The following KCNIP4 variants were observed in gnomAD, a reference collection of about 807,000 sequenced individuals.
KCNIP4 encodes Kv channel-interacting protein 4.
A neutral mutation model predicts 34.0 loss-of-function variants in KCNIP4; 12 were observed. The ratio of observed to expected loss-of-function variants is 0.35; its 90% CI spans 0.23 to 0.57. The LOEUF (loss-of-function observed/expected upper bound fraction) is 0.57. KCNIP4 is among the 20% of genes least tolerant of loss of function. The pLI is 0.83. For missense variants in KCNIP4, 238 were observed against 311.7 expected, an observed-to-expected ratio of 0.76 and a Z score of 1.78; for synonymous variants, 124 against 102.2, an observed-to-expected ratio of 1.21 and a Z score of -1.29.
In KCNIP4 at chr4:21,705,663, G is replaced by C. The variant is rs114217531; in HGVS notation, c.61+242908C>G. 7.0e-3 allele frequency among the ~76,000 whole-genome samples: 1,063 copies of C among 152,158 alleles called. 16 individuals carry two copies. The highest frequency in any genetic ancestry group is 0.024 in the African/African-American group (993 of 41,526). On this transcript the variant is annotated intron_variant, in intron 1 of 8. Coordinates refer to ENST00000382152, the MANE Select transcript of KCNIP4 (RefSeq NM_025221.6). ...GGGATGGCAGGGCATGTAAAGCAAGGTGATAACAAAAGTCCTCAAGAGAAA... is the reference window on the plus strand; with the variant it reads ...GGGATGGCAGGGCATGTAAAGCAAGCTGATAACAAAAGTCCTCAAGAGAAA...
chr4:20,906,484 T>C (rs1727786240), intron 1 of KCNIP4, among the ~76,000 whole-genome samples: 1 of 152,194 alleles, frequency 6.6e-6, no homozygotes, highest in Non-Finnish European at 1.5e-5. Context: ...GTTTCTGCCA[T>C]GTCTGCCTTG....
chr4:21,180,601 A>G (rs1193815392), intron 1 of KCNIP4, among the ~76,000 whole-genome samples: 1 of 151,692 alleles, frequency 6.6e-6, no homozygotes, highest in African/African-American at 2.4e-5. Flanking sequence ...TGGGTTAAAC[A>G]AAGGAAGAAG....
At chr4:21,097,913 T>C (rs992858115) in intron 1 of KCNIP4, among the ~76,000 whole-genome samples, 2 of 152,162 alleles carry the variant, frequency 1.3e-5, no homozygotes, top group African/African-American at 4.8e-5. Flanking sequence ...CTAGGACTCT[T>C]GGGCCAAACA....
At chr4:20,867,216 A>C (rs1722964034) in intron 2 of KCNIP4, among the ~76,000 whole-genome samples, 1 of 152,134 alleles carries the variant, frequency 6.6e-6, no homozygotes, top group Admixed American at 6.6e-5. Flanking sequence ...TCCTATAAGC[A>C]AAAGAAAAAA....
At chr4:20,897,182 C>G (rs1179520084) in intron 1 of KCNIP4, among the ~76,000 whole-genome samples, 2 of 152,100 alleles carry the variant, frequency 1.3e-5, no homozygotes, top group Admixed American at 1.3e-4. Context: ...CTTTCCATAT[C>G]ACTAACAGCC....
intron 1 of KCNIP4, among the ~76,000 whole-genome samples, chr4:21,109,067 G>A (rs1476728947): frequency 1.3e-5 from 2 of 152,180 alleles, no homozygotes; most frequent in Non-Finnish European, 2.9e-5. Context: ...CCCACTTGAG[G>A]AGGCAGTCTG....
chr4:20,911,639 G>C (rs1228176506), intron 1 of KCNIP4, among the ~76,000 whole-genome samples: 1 of 152,146 alleles, frequency 6.6e-6, no homozygotes, highest in Non-Finnish European at 1.5e-5. Flanking sequence ...TGATGACCTA[G>C]GTTGGCAGGG....
Position 21,733,732 on chromosome 4 carries a change from G to A in KCNIP4, c.61+214839C>T, listed in dbSNP as rs190444804. Among the ~76,000 whole-genome samples the A allele has an allele frequency of 3.9e-5, 6 of 152,236 alleles. No individual in the cohort carries two copies. In the East Asian group the frequency reaches 1.2e-3, roughly 29 times the overall value. On this transcript the variant is annotated intron_variant, in intron 1 of 8. Coordinates refer to ENST00000382152, the MANE Select transcript of KCNIP4 (RefSeq NM_025221.6). The stretch of plus-strand genomic sequence containing the variant: ...GCAGGAAGAGTGGAGATTCTTGTGG[G>A]GAGTGGGGAGGATAACTTCCCCAAG...
At chr4:20,973,023 G>T (rs888678465) in intron 1 of KCNIP4, among the ~76,000 whole-genome samples, 6 of 152,078 alleles carry the variant, frequency 3.9e-5, no homozygotes, top group African/African-American at 1.2e-4. Context: ...GTCTAGGTTG[G>T]AATGGTAAAT....
chr4:20,741,897 G>C (rs1321958522), intron 5 of KCNIP4, among the ~76,000 whole-genome samples: 2 of 152,172 alleles, frequency 1.3e-5, no homozygotes, highest in Non-Finnish European at 1.5e-5. Context: ...TATCACCACT[G>C]ATCCCACAGA....
intron 1 of KCNIP4, among the ~76,000 whole-genome samples, chr4:21,479,625 T>C (rs1731261158): frequency 6.6e-6 from 1 of 152,062 alleles, no homozygotes; most frequent in African/African-American, 2.4e-5. Context: ...ATCATTGTCA[T>C]ACAAAACAAA....
intron 1 of KCNIP4, among the ~76,000 whole-genome samples, chr4:20,961,843 A>G (rs1162116893): frequency 6.6e-6 from 1 of 152,228 alleles, no homozygotes; most frequent in Non-Finnish European, 1.5e-5. Flanking sequence ...CAACTTGGGA[A>G]TATCTGCACA....
At chr4:21,113,000 C>A (rs538537165) in intron 1 of KCNIP4, among the ~76,000 whole-genome samples, 118 of 152,256 alleles carry the variant, frequency 7.8e-4, no homozygotes, top group Non-Finnish European at 1.5e-3. Flanking sequence ...AGTAGAAAGT[C>A]TTCTACACCT....
intron 1 of KCNIP4, among the ~76,000 whole-genome samples, chr4:21,192,946 C>A (rs371411579): frequency 0.44 from 63,380 of 144,548 alleles, 16,453 homozygotes; most frequent in African/African-American, 0.73. Flanking sequence ...ACTACTACTA[C>A]TACTACTAAT....
chr4:20,802,290 A>C (rs1269715168), intron 3 of KCNIP4, among the ~76,000 whole-genome samples: 3 of 46,706 alleles, frequency 6.4e-5, no homozygotes, highest in Non-Finnish European at 1.4e-4. Flanking sequence ...TATATATGCA[A>C]TATATATATG....
intron 1 of KCNIP4, among the ~76,000 whole-genome samples, chr4:21,307,142 A>T (rs930147024): frequency 6.6e-6 from 1 of 152,160 alleles, no homozygotes; most frequent in Non-Finnish European, 1.5e-5. Flanking sequence ...GCCGGCAGGA[A>T]CTATTGAAGA....
chr4:20,926,681 TTTAA>T (rs1729925529), intron 1 of KCNIP4, among the ~76,000 whole-genome samples: 1 of 152,218 alleles, frequency 6.6e-6, no homozygotes, highest in Non-Finnish European at 1.5e-5. Flanking sequence ...TTTGAGATTC[TTTAA>T]GGCACACTTG....
intron 1 of KCNIP4, among the ~76,000 whole-genome samples, chr4:21,519,616 GTA>G (rs376884009): frequency 3.5e-5 from 4 of 114,336 alleles, no homozygotes; most frequent in African/African-American, 7.4e-5. Flanking sequence ...ATATGTGTGT[GTA>G]TGTATGTGTA....
chr4:21,718,475 A>C (rs562433080), intron 1 of KCNIP4: 1 of 152,098 alleles, frequency 6.6e-6, no homozygotes, highest in African/African-American at 2.4e-5. Flanking sequence ...TTTTTTTTCA[A>C]GTTCCAGGAT....
Sources: allele counts gnomAD v4.1 joint callset (sites outside exome capture counted in the v4.1 genomes callset), GRCh38; gene constraint gnomAD v4.1.1; transcripts MANE v1.5; gene names NCBI Gene and HGNC (gene_info 2026-07-23, HGNC 2026-07-21).